TSHZ2: variants seen among roughly 807,000 people sequenced by gnomAD.
TSHZ2 encodes the protein teashirt homolog 2.
A neutral mutation model predicts 74.4 loss-of-function variants in TSHZ2; 21 were observed. The observed-to-expected ratio is 0.28, with a 90% CI of 0.20 to 0.41. The LOEUF (loss-of-function observed/expected upper bound fraction) is 0.41. Ranked by LOEUF, TSHZ2 falls within the 10% of genes least tolerant of loss-of-function variation. The pLI is 1.00. For synonymous variants in TSHZ2, 540 were observed against 515.3 expected (o/e 1.05, Z -0.65); for missense variants, 1,244 against 1,293.5 (o/e 0.96, Z 0.59).
intron 1 of TSHZ2, among the ~76,000 whole-genome samples, chr20:53,026,451 A>G (rs1600652842): frequency 6.6e-6 from 1 of 151,738 alleles, no homozygotes; most frequent in East Asian, 1.9e-4. Context: ...TCCCAGGTTC[A>G]ACTGATTCTC....
chr20:53,422,262 A>G (rs997412340), intron 2 of TSHZ2, among the ~76,000 whole-genome samples: 1 of 152,160 alleles, frequency 6.6e-6, no homozygotes, highest in East Asian at 1.9e-4. Flanking sequence ...CCTTGAATTC[A>G]GTGACCCAAA....
chr20:53,301,050 C>T (rs1600798562), intron 2 of TSHZ2, among the ~76,000 whole-genome samples: 1 of 151,988 alleles, frequency 6.6e-6, no homozygotes, highest in African/African-American at 2.4e-5. Flanking sequence ...GCAACCTTCA[C>T]GTCCCCGGTT....
At chr20:52,994,567 G>A (rs1157418823) in intron 1 of TSHZ2, among the ~76,000 whole-genome samples, 1 of 152,144 alleles carries the variant, frequency 6.6e-6, no homozygotes, top group East Asian at 1.9e-4. Flanking sequence ...ATTTCTGCCC[G>A]GATTTTATCA....
chr20:53,325,669 G>GTTTGTTTGT (rs142207139), intron 2 of TSHZ2, among the ~76,000 whole-genome samples: 13 of 151,620 alleles, frequency 8.6e-5, no homozygotes, highest in Admixed American at 7.9e-4. Flanking sequence ...TGCTTTGTTT[G>GTTTGTTTGT]TTGTTTGTTT....
At chr20:53,370,742 C>T (rs140288675) in intron 2 of TSHZ2, among the ~76,000 whole-genome samples, 2,708 of 152,168 alleles carry the variant, frequency 0.018, 35 homozygotes, top group Middle Eastern at 0.037. Context: ...CCAGCCTGGG[C>T]GACAGGGCAA....
In TSHZ2 at chr20:53,255,354, T is replaced by C; in HGVS notation, c.1896T>C (p.Asp632=). 1 of 1,614,092 alleles carries C rather than the reference T, an allele frequency of 6.2e-7. No homozygotes were observed. The highest frequency in any genetic ancestry group is 8.5e-7 in the Non-Finnish European group (1 of 1,179,998). ...EASSFSHSEG[D]SFRKSETPPE... is the part of the protein sequence containing the mutation. ...CATCTTTCAGCCACAGTGAGGGCGATTCTTTCCGCAAAAGTGAAACACCTC... is the reference window on the plus strand; with the variant it reads ...CATCTTTCAGCCACAGTGAGGGCGACTCTTTCCGCAAAAGTGAAACACCTC... The change falls in exon 2 of 3, where the codon GAT becomes GAC. Residue 632 remains aspartate (D), a synonymous_variant. Transcript: ENST00000371497. This position sits in a 1 kb window ranked among gnomAD's most constrained non-coding sequence, Gnocchi z 4.1.
intron 1 of TSHZ2, among the ~76,000 whole-genome samples, chr20:53,056,554 T>TGA (rs1984647005): frequency 6.6e-6 from 1 of 152,224 alleles, no homozygotes; most frequent in South Asian, 2.1e-4. Flanking sequence ...GTTAAATAAA[T>TGA]GAGTTTCTTT....
chr20:53,003,027 G>A (rs1018818120), intron 1 of TSHZ2, among the ~76,000 whole-genome samples: 4 of 152,078 alleles, frequency 2.6e-5, no homozygotes, highest in Non-Finnish European at 4.4e-5. Flanking sequence ...GTGCTTCTAC[G>A]TTGTAGACAT....
rs1181907994 is a variant in TSHZ2 at position 53,494,210 on chromosome 20, C to G, written c.*7075C>G. 2 of 152,190 alleles carry G rather than the reference C, an allele frequency of 1.3e-5. No homozygotes were observed. The highest frequency in any genetic ancestry group is 4.8e-5 in the African/African-American group (2 of 41,374). The allele number at this position is 152,190 out of a possible 1,614,324, so 9.4% of individuals were successfully genotyped here. A position where few individuals can be genotyped will look rare whatever the true frequency, so the allele number is the denominator to read the frequency against. Reference sequence around the variant, plus strand: ...GGCTGAGGCAAGAGAATTGCTTGAGCCCGGGAGGCGAAGGTTGCAGTGAGC... The same window carrying G: ...GGCTGAGGCAAGAGAATTGCTTGAGGCCGGGAGGCGAAGGTTGCAGTGAGC... On this transcript the variant is annotated 3_prime_UTR_variant, in exon 3 of 3. Coordinates refer to ENST00000371497, the MANE Select transcript of TSHZ2 (RefSeq NM_173485.6).
chr20:53,291,472 CAAAAAAAAAA>C (rs11478745), intron 2 of TSHZ2, among the ~76,000 whole-genome samples: 1 of 101,724 alleles, frequency 9.8e-6, no homozygotes, highest in Non-Finnish European at 2.1e-5. Flanking sequence ...GACTCTGTCT[CAAAAAAAAAA>C]AAAAAAAAAG....
At chr20:53,037,619 T>C (rs760894924) in intron 1 of TSHZ2, among the ~76,000 whole-genome samples, 4 of 152,114 alleles carry the variant, frequency 2.6e-5, no homozygotes, top group Non-Finnish European at 4.4e-5. Context: ...TTTCTAGGGG[T>C]CATAGAAGAT....
chr20:53,301,497 A>C (rs1268271820), intron 2 of TSHZ2, among the ~76,000 whole-genome samples: 1 of 152,172 alleles, frequency 6.6e-6, no homozygotes, highest in Non-Finnish European at 1.5e-5. Flanking sequence ...AACAGTTGCT[A>C]ATGGTATTAG....
At chr20:52,985,847 G>A (rs1210192328) in intron 1 of TSHZ2, among the ~76,000 whole-genome samples, 1 of 152,208 alleles carries the variant, frequency 6.6e-6, no homozygotes, top group Non-Finnish European at 1.5e-5. Context: ...TAATGAGGAA[G>A]CAAGCCCAAC....
intron 1 of TSHZ2, among the ~76,000 whole-genome samples, chr20:53,001,365 C>T (rs553953307): frequency 6.6e-6 from 1 of 152,122 alleles, no homozygotes; most frequent in South Asian, 2.1e-4. Flanking sequence ...TTATTCTCTA[C>T]AGGAACACAT....
At chr20:53,320,487 C>G (rs1979214163) in intron 2 of TSHZ2, among the ~76,000 whole-genome samples, 1 of 152,114 alleles carries the variant, frequency 6.6e-6, no homozygotes, top group Non-Finnish European at 1.5e-5. Context: ...AAAACCACAT[C>G]CTAGATGAAA....
At chr20:53,349,777 C>T (rs1473712259) in intron 2 of TSHZ2, among the ~76,000 whole-genome samples, 2 of 152,082 alleles carry the variant, frequency 1.3e-5, no homozygotes, top group Non-Finnish European at 2.9e-5. Flanking sequence ...GTGGTATATT[C>T]ATTCTTATAT....
intron 1 of TSHZ2, among the ~76,000 whole-genome samples, chr20:53,053,559 A>G (rs1984545546): frequency 7.5e-6 from 1 of 132,622 alleles, no homozygotes; most frequent in Admixed American, 7.9e-5. Context: ...CTTAAAAGCT[A>G]TATATGTATG....
rs190155283 is a variant in TSHZ2, at chr20:53,422,063, G to A, written c.*9-65081G>A. 3.1e-3 allele frequency among the ~76,000 whole-genome samples: 472 copies of A among 152,102 alleles called. 1 individual carries two copies. Among genetic ancestry groups the A allele is most frequent in the African/African-American group, 0.01 (434 of 41,500 alleles). On this transcript the variant is annotated intron_variant, in intron 2 of 2. Transcript: ENST00000371497. ...CCGCCACCCCATTTCTCACAGTACC[G>A]TATCATATTGTGCTCTTAATGCAGT...
chr20:53,469,548 A>AGAACGAGG (rs1568931759), intron 2 of TSHZ2, among the ~76,000 whole-genome samples: 1 of 125,208 alleles, frequency 8.0e-6, no homozygotes, highest in Non-Finnish European at 1.6e-5. Context: ...AAGAAAAGAA[A>AGAACGAGG]GAAGGAGGGA....
Sources: gnomAD v4.1 joint callset for allele counts (sites outside exome capture counted in the v4.1 genomes callset) on GRCh38, gnomAD v4.1.1 for gene constraint, Gnocchi (gnomAD v3.1) non-coding constraint, MANE v1.5 for transcripts, NCBI Gene and HGNC (gene_info 2026-07-23, HGNC 2026-07-21) for gene names.